Variants in FTO observed in about 807,000 individuals in gnomAD.
The protein encoded by FTO is alpha-ketoglutarate-dependent dioxygenase FTO.
FTO carries 47 observed loss-of-function variants against 63.9 expected under a neutral mutation model. That is an observed-to-expected ratio of 0.74 (90% CI 0.58 to 0.94). The LOEUF (loss-of-function observed/expected upper bound fraction) is 0.94, where lower values mean the gene tolerates loss of function less well. FTO is among the 40% of genes least tolerant of loss of function. The probability of loss-of-function intolerance (pLI) is 0.00; values close to 1 mark genes in which losing one functional copy is unlikely to be tolerated. For missense variants in FTO, 562 were observed against 618.1 expected (o/e 0.91, Z 0.96); for synonymous variants, 207 against 224.4 (o/e 0.92, Z 0.69).
At chr16:54,034,188 T>A (rs570118764) in intron 8 of FTO, 5 of 152,328 alleles carry the variant, frequency 3.3e-5, no homozygotes, top group South Asian at 2.1e-4. Context: ...TACTTTTTTT[T>A]AAATAGACTT....
chr16:53,971,420 T>C (rs1415592491), intron 8 of FTO, among the ~76,000 whole-genome samples: 6 of 152,222 alleles, frequency 3.9e-5, no homozygotes. Flanking sequence ...CTTGAAGCAT[T>C]ATTATATTTT....
chr16:53,751,393 G>A (rs1054168652), intron 1 of FTO, among the ~76,000 whole-genome samples: 4 of 152,112 alleles, frequency 2.6e-5, no homozygotes, highest in African/African-American at 9.7e-5. Flanking sequence ...GGGAGGCGAA[G>A]CTTGCAGTGA....
chr16:53,835,280 C>T (rs1006178930), intron 3 of FTO, among the ~76,000 whole-genome samples: 11 of 152,158 alleles, frequency 7.2e-5, no homozygotes, highest in Non-Finnish European at 1.5e-5. Flanking sequence ...CCAGCGGATT[C>T]CTTTACTTCT....
At chr16:53,794,144 C>T (rs544846837) in intron 1 of FTO, among the ~76,000 whole-genome samples, 2 of 152,200 alleles carry the variant, frequency 1.3e-5, no homozygotes, top group South Asian at 2.1e-4. Context: ...TTTTCTGGAG[C>T]GTAATTTCAC....
rs1192467618 is a variant in FTO at position 54,003,113 on chromosome 16, G to A, written c.1364+69004G>A. Among the ~76,000 whole-genome samples, 14 of 152,324 alleles carry A rather than the reference G, an allele frequency of 9.2e-5. No individual in the cohort carries two copies. In the East Asian group the frequency reaches 2.7e-3, roughly 29 times the overall value. On this transcript the variant is annotated intron_variant, in intron 8 of 8. Coordinates refer to ENST00000471389, the MANE Select transcript of FTO (RefSeq NM_001080432.3). ...GTGACCCCTTATGGAATTCTGGGAA[G>A]AACTAAAGAGATAACAGTATTCTTT...
chr16:54,013,905 A>G lies in FTO; in HGVS notation c.1364+79796A>G, dbSNP rs187677907. ...GTGGTGGTCTGGAACTGAACCTGCA[A>G]TATTGTCAATGTGTGCCTGTATAAG... On this transcript the variant is annotated intron_variant, in intron 8 of 8. Transcript: ENST00000471389. Among the ~76,000 whole-genome samples, 345 of 152,316 alleles carry G rather than the reference A, an allele frequency of 2.3e-3. 1 individual carries two copies. Among genetic ancestry groups the G allele is most frequent in the African/African-American group, 3.2e-3 (131 of 41,580 alleles).
intron 8 of FTO, chr16:53,937,134 C>T (rs1440628727): frequency 2.5e-6 from 1 of 397,784 alleles, no homozygotes; most frequent in Admixed American, 4.4e-5. Flanking sequence ...TGTCACACAA[C>T]CCAGCGACTC....
In FTO at chr16:53,888,834, C is replaced by T. The variant is rs145529071; in HGVS notation, c.1122C>T (p.Val374=). The change falls in exon 7 of 9, where the codon GTC becomes GTT. Residue 374 remains valine (V), a splice_region_variant and synonymous_variant. Transcript: ENST00000471389. ...LKQGEEIHNE[V]EFEWLRQFWF... Reference sequence around the variant, plus strand: ...CATCTTCTCTTTATGGTCCACAGGTCGAGTTTGAGTGGCTGAGGCAGTTTT... The same window carrying T: ...CATCTTCTCTTTATGGTCCACAGGTTGAGTTTGAGTGGCTGAGGCAGTTTT... 89 of 1,613,956 alleles carry T rather than the reference C, an allele frequency of 5.5e-5. No individual in the cohort carries two copies. The Admixed American group carries it at 6.7e-4, about 12-fold the overall frequency.
intron 8 of FTO, among the ~76,000 whole-genome samples, chr16:54,097,037 A>G (rs1478372562): frequency 6.6e-5 from 10 of 152,146 alleles, no homozygotes; most frequent in African/African-American, 2.4e-4. Flanking sequence ...CTGGGATTAC[A>G]CCTTTCTTTG....
rs924123833 is a variant in FTO at position 54,009,317 on chromosome 16, C to A, written c.1364+75208C>A. Among the ~76,000 whole-genome samples the A allele has an allele frequency of 2.0e-5, 3 of 152,252 alleles. No individual in the cohort carries two copies. In the East Asian group the frequency reaches 5.8e-4, roughly 29 times the overall value. ...TATATGAGTGTTTTGGAGTATTATTCTTACAACTTCTCTGCAAGTTTAAAA... is the reference window on the plus strand; with the variant it reads ...TATATGAGTGTTTTGGAGTATTATTATTACAACTTCTCTGCAAGTTTAAAA... On this transcript the variant is annotated intron_variant, in intron 8 of 8. Coordinates refer to ENST00000471389, the MANE Select transcript of FTO (RefSeq NM_001080432.3).
chr16:53,780,157 G>A (rs1422812251), intron 1 of FTO, among the ~76,000 whole-genome samples: 1 of 152,144 alleles, frequency 6.6e-6, no homozygotes, highest in Admixed American at 6.5e-5. Context: ...AACAACCTGG[G>A]TTCTATAGCT....
At chr16:53,859,940 A>G (rs997951014) in intron 4 of FTO, among the ~76,000 whole-genome samples, 2 of 152,214 alleles carry the variant, frequency 1.3e-5, no homozygotes, top group Non-Finnish European at 2.9e-5. Context: ...TTTGGTATAC[A>G]TATCCAAAGG....
chr16:53,925,574 G>T (rs1469341173), intron 7 of FTO, among the ~76,000 whole-genome samples: 4 of 152,214 alleles, frequency 2.6e-5, no homozygotes, highest in African/African-American at 7.2e-5. Context: ...GTAAGACGGA[G>T]AGATTAAGTC....
intron 7 of FTO, among the ~76,000 whole-genome samples, chr16:53,901,584 A>G (rs1005715047): frequency 1.1e-4 from 16 of 152,202 alleles, no homozygotes; most frequent in African/African-American, 3.6e-4. Flanking sequence ...CTTGGCTAAC[A>G]GTCCCACATT....
chr16:53,705,922 G>A (rs2075607098), intron 1 of FTO, among the ~76,000 whole-genome samples: 1 of 152,296 alleles, frequency 6.6e-6, no homozygotes, highest in African/African-American at 2.4e-5. Flanking sequence ...TTACTCTATT[G>A]AAACCATAAC....
At chr16:53,905,583 A>G (rs1199521278) in intron 7 of FTO, among the ~76,000 whole-genome samples, 2 of 152,168 alleles carry the variant, frequency 1.3e-5, no homozygotes, top group African/African-American at 4.8e-5. Flanking sequence ...TGTATAATCC[A>G]TGCTTTCCAT....
At chr16:54,016,745 T>C (rs765725424) in intron 8 of FTO, among the ~76,000 whole-genome samples, 6 of 152,184 alleles carry the variant, frequency 3.9e-5, no homozygotes, top group Non-Finnish European at 5.9e-5. Context: ...GGTGGCACTC[T>C]GGTAGTGCTT....
rs542847491 is a variant in FTO at position 54,075,393 on chromosome 16, G to A, written c.1365-36369G>A. Among the ~76,000 whole-genome samples, 21 of 152,220 alleles carry A rather than the reference G, an allele frequency of 1.4e-4. No individual in the cohort carries two copies. The East Asian group carries it at 3.3e-3, about 24-fold the overall frequency. The stretch of plus-strand genomic sequence containing the variant: ...CAGCTCTCGTTAACTATCCCAGGAC[G>A]CTACCAGCATTTTATTACAGTTGTC... On this transcript the variant is annotated intron_variant, in intron 8 of 8. Coordinates refer to ENST00000471389, the MANE Select transcript of FTO (RefSeq NM_001080432.3).
In FTO at chr16:53,714,422, T is replaced by G. The variant is rs542529316; in HGVS notation, c.45+10193T>G. 2.2e-3 allele frequency among the ~76,000 whole-genome samples: 330 copies of G among 152,356 alleles called. 1 individual carries two copies. Among genetic ancestry groups the G allele is most frequent in the African/African-American group, 7.3e-3 (302 of 41,580 alleles). On this transcript the variant is annotated intron_variant, in intron 1 of 8. Transcript: ENST00000471389. ...CATTAATATGGATTTTCTATTTCTA[T>G]GTACAGCCGTCCATTATCTCACTAT... is the stretch of plus-strand genomic sequence containing the variant.
Sources: gnomAD v4.1 joint callset for allele counts (sites outside exome capture counted in the v4.1 genomes callset) on GRCh38, gnomAD v4.1.1 for gene constraint, MANE v1.5 for transcripts, NCBI Gene and HGNC (gene_info 2026-07-23, HGNC 2026-07-21) for gene names.